Variants in TTC28 observed in about 807,000 individuals in gnomAD.
TTC28 encodes the protein tetratricopeptide repeat protein 28.
Under a neutral mutation model 198.0 loss-of-function variants are expected in TTC28, and 61 were observed. The observed-to-expected ratio is 0.31, with a 90% CI of 0.25 to 0.38. The LOEUF (loss-of-function observed/expected upper bound fraction) is 0.38. Among genes scored for constraint, TTC28 ranks in the 10% least tolerant of loss-of-function variants. The pLI is 1.00. For missense variants in TTC28, 2,678 were observed against 3,164.0 expected (o/e 0.85, Z 3.69); for synonymous variants, 1,171 against 1,297.8 (o/e 0.90, Z 2.10).
At chr22:28,243,758 G>A (rs188883030) in intron 5 of TTC28, among the ~76,000 whole-genome samples, 1 of 152,196 alleles carries the variant, frequency 6.6e-6, no homozygotes, top group East Asian at 1.9e-4. Context: ...AAACAAGCAG[G>A]CAAAAGGTAA....
chr22:28,431,032 A>C (rs954188751), intron 2 of TTC28, among the ~76,000 whole-genome samples: 2 of 151,968 alleles, frequency 1.3e-5, no homozygotes, highest in Non-Finnish European at 2.9e-5. Context: ...CTCTTGGTCC[A>C]CTCATTCCTA....
intron 2 of TTC28, among the ~76,000 whole-genome samples, chr22:28,594,166 C>A (rs1467722370): frequency 6.6e-6 from 1 of 151,832 alleles, no homozygotes; most frequent in Non-Finnish European, 1.5e-5. Context: ...ATTTAGCCTC[C>A]AGCATTATTT....
chr22:28,550,232 G>C (rs1305569726), intron 2 of TTC28, among the ~76,000 whole-genome samples: 2 of 152,086 alleles, frequency 1.3e-5, no homozygotes, highest in Admixed American at 1.3e-4. Flanking sequence ...TTTAGGGACA[G>C]AGACCCATAA....
intron 6 of TTC28, among the ~76,000 whole-genome samples, chr22:28,122,177 G>C (rs1010403933): frequency 5.3e-5 from 8 of 152,088 alleles, no homozygotes; most frequent in African/African-American, 1.9e-4. Flanking sequence ...CTGCTTTTTT[G>C]ATAAAGGGAT....
chr22:28,015,594 T>TA (rs1938337903), intron 13 of TTC28, among the ~76,000 whole-genome samples: 1 of 124,682 alleles, frequency 8.0e-6, no homozygotes, highest in Non-Finnish European at 1.6e-5. Flanking sequence ...AGCTAATTTG[T>TA]AAATTTTTTT....
At chr22:28,229,075 G>A (rs554226253) in intron 5 of TTC28, among the ~76,000 whole-genome samples, 5 of 152,150 alleles carry the variant, frequency 3.3e-5, no homozygotes, top group African/African-American at 4.8e-5. Context: ...AGAATCGCTC[G>A]AACCTGGGAG....
chr22:28,278,872 A>T (rs1241444840), intron 5 of TTC28, among the ~76,000 whole-genome samples: 5 of 152,218 alleles, frequency 3.3e-5, no homozygotes, highest in East Asian at 3.9e-4. Context: ...TGTTGTTGTG[A>T]TATCGTTCTA....
intron 16 of TTC28, 87 bp downstream of exon 16, chr22:27,998,453 C>T (rs1373306620): frequency 5.3e-5 from 78 of 1,470,244 alleles, no homozygotes; most frequent in Non-Finnish European, 6.6e-5. Flanking sequence ...CCTCCCCTCC[C>T]CAACCCCACT....
chr22:28,641,632 G>A (rs2051367402), intron 1 of TTC28, among the ~76,000 whole-genome samples: 1 of 152,088 alleles, frequency 6.6e-6, no homozygotes, highest in South Asian at 2.1e-4. Flanking sequence ...CCACTGAATT[G>A]TATACTTTAA....
At chr22:27,988,940 C>T (rs1214326757) in intron 21 of TTC28, among the ~76,000 whole-genome samples, 2 of 152,196 alleles carry the variant, frequency 1.3e-5, no homozygotes, top group African/African-American at 4.8e-5. Context: ...CAGTAGAGTG[C>T]AAGCTCTAGG....
At chr22:28,156,309 T>C (rs1943747338) in intron 6 of TTC28, among the ~76,000 whole-genome samples, 1 of 152,176 alleles carries the variant, frequency 6.6e-6, no homozygotes, top group African/African-American at 2.4e-5. Context: ...GGTGATGTGA[T>C]GACAAAAGCA....
At chr22:28,304,538 A>G (rs539124373) in intron 3 of TTC28, among the ~76,000 whole-genome samples, 28 of 152,340 alleles carry the variant, frequency 1.8e-4, no homozygotes, top group Non-Finnish European at 3.7e-4. Flanking sequence ...AGGAACCAGT[A>G]AGAAGCTGCT....
Position 28,163,130 on chromosome 22 carries a change from T to C in TTC28, c.1403A>G (p.Lys468Arg). The C allele has an allele frequency of 6.4e-7, 1 of 1,551,730 alleles. No homozygotes were observed. The part of the protein sequence containing the change: ...EQQLGIAEDL[K>R]DRAAEGRASS... ...TGCTCGCCCCTCTGCAGCCCGGTCC[T>C]TGAGATCCTCAGCAATGCCCAGCTG... The change falls in exon 6 of 23, where the codon AAG becomes AGG. Residue 468 changes from lysine (K) to arginine (R), a missense_variant. By Grantham distance (26) the Lys-to-Arg change is conservative. Transcript: ENST00000397906.
intron 2 of TTC28, among the ~76,000 whole-genome samples, chr22:28,394,473 C>A (rs919625164): frequency 2.6e-5 from 4 of 152,194 alleles, no homozygotes; most frequent in Non-Finnish European, 5.9e-5. Context: ...CTCAGCCCCA[C>A]ATAAGGAGTA....
At chr22:28,358,445 T>C (rs2046110576) in intron 2 of TTC28, among the ~76,000 whole-genome samples, 1 of 152,228 alleles carries the variant, frequency 6.6e-6, no homozygotes, top group African/African-American at 2.4e-5. Flanking sequence ...TCTGTGGGTT[T>C]ACAATTTCTA....
chr22:28,650,616 G>A (rs922918456), intron 1 of TTC28, among the ~76,000 whole-genome samples: 7 of 152,158 alleles, frequency 4.6e-5, no homozygotes, highest in Non-Finnish European at 1.0e-4. Flanking sequence ...ACAAAACACA[G>A]CATGAACCTA....
chr22:28,177,823 A>T (rs1320742350), intron 5 of TTC28, among the ~76,000 whole-genome samples: 1 of 152,214 alleles, frequency 6.6e-6, no homozygotes, highest in Non-Finnish European at 1.5e-5. Context: ...AGAGAGAATA[A>T]AAAGTTCAGC....
intron 5 of TTC28, among the ~76,000 whole-genome samples, chr22:28,272,671 T>C (rs552810604): frequency 2.0e-5 from 3 of 152,346 alleles, no homozygotes; most frequent in Admixed American, 2.0e-4. Flanking sequence ...TTTTTAAAAA[T>C]CCATTTAAAG....
chr22:28,413,668 A>T (rs900408109), intron 2 of TTC28, among the ~76,000 whole-genome samples: 1 of 152,184 alleles, frequency 6.6e-6, no homozygotes, highest in African/African-American at 2.4e-5. Context: ...CCTTACATTT[A>T]AAAACACTCT....
Sources: allele counts gnomAD v4.1 joint callset (sites outside exome capture counted in the v4.1 genomes callset), GRCh38; gene constraint gnomAD v4.1.1; transcripts MANE v1.5; gene names NCBI Gene and HGNC (gene_info 2026-07-23, HGNC 2026-07-21).